Variants in NFAT5 observed in about 807,000 individuals in gnomAD.
NFAT5 encodes the protein nuclear factor of activated T cells 5, also known as nuclear factor of activated T-cells 5.
Under a neutral mutation model 166.5 loss-of-function variants are expected in NFAT5, and 31 were observed. The ratio of observed to expected loss-of-function variants is 0.19; its 90% CI spans 0.14 to 0.25. NFAT5 has a LOEUF of 0.25. Among genes scored for constraint, NFAT5 ranks in the 10% least tolerant of loss-of-function variants. The probability of loss-of-function intolerance (pLI) is 1.00; values close to 1 mark genes in which losing one functional copy is unlikely to be tolerated. For synonymous variants in NFAT5, 612 were observed against 639.7 expected, an observed-to-expected ratio of 0.96 and a Z score of 0.65; for missense variants, 1,449 against 1,821.8, an observed-to-expected ratio of 0.80 and a Z score of 3.72.
chr16:69,583,504 A>G (rs1352365993), intron 2 of NFAT5, among the ~76,000 whole-genome samples: 1 of 152,180 alleles, frequency 6.6e-6, no homozygotes, highest in African/African-American at 2.4e-5. Context: ...TATGAGCCTC[A>G]AGGCCTAGCT....
chr16:69,687,358 T>C lies in NFAT5; in HGVS notation c.1774+2388T>C, dbSNP rs182910754. ...TGGGAGGCTGAGACAGGAGAATCGC[T>C]TGAATCCAGGAGGCGAAGGTTGTAG... On this transcript the variant is annotated intron_variant, in intron 11 of 14. Coordinates refer to ENST00000349945, the MANE Select transcript of NFAT5 (RefSeq NM_138713.4). Among the ~76,000 whole-genome samples the C allele has an allele frequency of 2.6e-5, 4 of 151,250 alleles. No homozygotes were observed. The East Asian group carries it at 7.8e-4, about 29-fold the overall frequency.
At chr16:69,596,468 C>A (rs2032795782) in intron 2 of NFAT5, among the ~76,000 whole-genome samples, 1 of 152,014 alleles carries the variant, frequency 6.6e-6, no homozygotes, top group South Asian at 2.1e-4. Flanking sequence ...GCCTGTAATC[C>A]CAGCACTTTG....
chr16:69,677,544 C>A (rs2036878783), intron 10 of NFAT5, among the ~76,000 whole-genome samples: 1 of 152,148 alleles, frequency 6.6e-6, no homozygotes, highest in Non-Finnish European at 1.5e-5. Flanking sequence ...CTACCTTATG[C>A]TATAATAATA....
Position 69,566,484 on chromosome 16 carries a change from G to T in NFAT5, c.73+110G>T. On this transcript the variant is annotated intron_variant, in intron 1 of 14. Coordinates refer to ENST00000349945, the MANE Select transcript of NFAT5 (RefSeq NM_138713.4). This position sits in a 1 kb window ranked among gnomAD's most constrained non-coding sequence, Gnocchi z 5.7. Reference sequence around the variant, plus strand: ...GTCCCGCCGGGGGCGGCTGAGCCGCGACCCCCATGGCTTCTTTGGCCGGAG... The same window carrying T: ...GTCCCGCCGGGGGCGGCTGAGCCGCTACCCCCATGGCTTCTTTGGCCGGAG... The T allele has an allele frequency of 1.1e-6, 1 of 913,658 alleles. No homozygotes were observed. Among genetic ancestry groups the T allele is most frequent in the Non-Finnish European group, 1.7e-6 (1 of 578,426 alleles). The allele number at this position is 913,658 out of a possible 1,614,324, so 56.6% of individuals were successfully genotyped here.
chr16:69,618,740 G>C lies in NFAT5; in HGVS notation c.128-7663G>C, dbSNP rs551221542. 2.0e-5 allele frequency among the ~76,000 whole-genome samples: 3 copies of C among 152,108 alleles called. No homozygotes were observed. The East Asian group carries it at 5.8e-4, about 29-fold the overall frequency. ...TTCCAAGAGTAGCTTCACATTTAGA[G>C]GTTTTTTTTAAAGTAAAATCTAATA... On this transcript the variant is annotated intron_variant, in intron 2 of 14. Coordinates refer to ENST00000349945, the MANE Select transcript of NFAT5 (RefSeq NM_138713.4).
intron 2 of NFAT5, among the ~76,000 whole-genome samples, chr16:69,592,991 G>A (rs773280273): frequency 3.0e-4 from 46 of 151,860 alleles, no homozygotes; most frequent in Non-Finnish European, 5.7e-4. Flanking sequence ...TATTTTTTTT[G>A]TGTGAGGAAT....
At chr16:69,638,823 G>A (rs576325570) in intron 3 of NFAT5, among the ~76,000 whole-genome samples, 68 of 150,766 alleles carry the variant, frequency 4.5e-4, no homozygotes, top group African/African-American at 1.6e-3. Flanking sequence ...AAAATGTATT[G>A]TAGCGTATTG....
intron 2 of NFAT5, among the ~76,000 whole-genome samples, chr16:69,579,721 T>G (rs551214802): frequency 6.6e-5 from 10 of 152,244 alleles, no homozygotes; most frequent in Non-Finnish European, 1.5e-4. Context: ...TTTTTAGAAA[T>G]TAAAAAATGG....
intron 2 of NFAT5, among the ~76,000 whole-genome samples, chr16:69,616,066 A>G (rs915410956): frequency 2.6e-5 from 4 of 152,044 alleles, no homozygotes; most frequent in Admixed American, 6.5e-5. Context: ...CAACCCCGAT[A>G]GATGTCTTCC....
intron 3 of NFAT5, among the ~76,000 whole-genome samples, chr16:69,643,841 C>T (rs1304203204): frequency 2.0e-5 from 3 of 152,086 alleles, no homozygotes; most frequent in Admixed American, 1.3e-4. Context: ...TCAGTGCTTT[C>T]GAAGTGCTCA....
intron 5 of NFAT5, among the ~76,000 whole-genome samples, chr16:69,654,377 G>A (rs11861496): frequency 0.044 from 6,707 of 152,132 alleles, 503 homozygotes; most frequent in African/African-American, 0.15. Context: ...ATCAGGAAAC[G>A]TGTCTGCCAC....
intron 3 of NFAT5, among the ~76,000 whole-genome samples, chr16:69,636,871 C>T (rs1464890376): frequency 1.3e-5 from 2 of 152,224 alleles, no homozygotes; most frequent in Non-Finnish European, 2.9e-5. Context: ...GGATTATTAA[C>T]ATTAGGCTTC....
chr16:69,579,175 T>A (rs2031503529), intron 2 of NFAT5, among the ~76,000 whole-genome samples: 1 of 152,180 alleles, frequency 6.6e-6, no homozygotes, highest in Non-Finnish European at 1.5e-5. Flanking sequence ...CGCCTGGCCA[T>A]AAGTTTTAAT....
At chr16:69,645,224 C>G (rs888147524) in intron 3 of NFAT5, among the ~76,000 whole-genome samples, 3 of 152,128 alleles carry the variant, frequency 2.0e-5, no homozygotes, top group Admixed American at 6.5e-5. Context: ...TATTTATTTA[C>G]TAAGAAAACA....
intron 3 of NFAT5, chr16:69,646,426 A>G (rs975957401): frequency 6.3e-6 from 3 of 479,110 alleles, no homozygotes; most frequent in South Asian, 4.6e-5. Flanking sequence ...AGTTGATTAT[A>G]TATTTTTTCT....
intron 9 of NFAT5, among the ~76,000 whole-genome samples, chr16:69,674,142 C>T (rs546400052): frequency 8.0e-5 from 12 of 150,326 alleles, no homozygotes; most frequent in Non-Finnish European, 1.6e-4. Flanking sequence ...ACTTAGGAGG[C>T]TGAGGCAAGA....
chr16:69,677,407 G>A, intron 10 of NFAT5, 72 bp downstream of exon 10: 1 of 1,320,388 alleles, frequency 7.6e-7, no homozygotes, highest in Non-Finnish European at 1.0e-6. Flanking sequence ...ATATGAAGAT[G>A]ACTAGCCAAC....
chr16:69,624,461 C>A (rs980520541), intron 2 of NFAT5, among the ~76,000 whole-genome samples: 4 of 152,158 alleles, frequency 2.6e-5, no homozygotes, highest in African/African-American at 9.7e-5. Context: ...CCCGCCTCGG[C>A]CTCCCAGTGT....
intron 2 of NFAT5, among the ~76,000 whole-genome samples, chr16:69,587,607 T>C (rs752685529): frequency 7.2e-5 from 11 of 152,166 alleles, no homozygotes; most frequent in Non-Finnish European, 1.0e-4. Context: ...CAGGCTGGTC[T>C]TGAACTCCTG....
Sources: allele counts gnomAD v4.1 joint callset (sites outside exome capture counted in the v4.1 genomes callset), GRCh38; gene constraint gnomAD v4.1.1; non-coding constraint Gnocchi (gnomAD v3.1); transcripts MANE v1.5; gene names NCBI Gene and HGNC (gene_info 2026-07-23, HGNC 2026-07-21).